The following BACH2 variants were observed in gnomAD, a reference collection of about 807,000 sequenced individuals.
BACH2 encodes transcription regulator protein BACH2.
Under a neutral mutation model 61.8 loss-of-function variants are expected in BACH2, and 5 were observed. The ratio of observed to expected loss-of-function variants is 0.08; its 90% CI spans 0.04 to 0.17. The LOEUF is 0.17. BACH2 is among the 10% of genes least tolerant of loss of function. BACH2 has a pLI of 1.00. For missense variants in BACH2, 824 were observed against 1,091.1 expected, an observed-to-expected ratio of 0.76 and a Z score of 3.45; for synonymous variants, 446 against 440.1, an observed-to-expected ratio of 1.01 and a Z score of -0.17.
chr6:89,936,070 T>C (rs527492402), intron 8 of BACH2, among the ~76,000 whole-genome samples: 1 of 152,244 alleles, frequency 6.6e-6, no homozygotes, highest in South Asian at 2.1e-4. Context: ...TTTAGGGCAA[T>C]AGACATTTTC....
At chr6:90,251,937 A>G (rs1313145736) in intron 3 of BACH2, among the ~76,000 whole-genome samples, 2 of 152,216 alleles carry the variant, frequency 1.3e-5, no homozygotes, top group African/African-American at 4.8e-5. Context: ...GGAAAGTTCA[A>G]TCCACAGATT....
chr6:90,110,605 T>C (rs1783126020), intron 4 of BACH2, among the ~76,000 whole-genome samples: 2 of 152,228 alleles, frequency 1.3e-5, no homozygotes, highest in Non-Finnish European at 2.9e-5. Context: ...AAATCCTAAT[T>C]TTTGTCTCAA....
chr6:90,180,484 G>C (rs1562490290), intron 4 of BACH2, among the ~76,000 whole-genome samples: 1 of 152,116 alleles, frequency 6.6e-6, no homozygotes, highest in Non-Finnish European at 1.5e-5. Flanking sequence ...CACCCAAGTA[G>C]TGTACACTGT....
intron 4 of BACH2, among the ~76,000 whole-genome samples, chr6:90,095,642 TA>T (rs1299474323): frequency 2.6e-5 from 4 of 152,060 alleles, no homozygotes; most frequent in African/African-American, 9.6e-5. Context: ...GCCAGAAAAA[TA>T]AAAAGTGTGA....
chr6:90,259,175 T>C (rs1345377080), intron 2 of BACH2, among the ~76,000 whole-genome samples: 2 of 152,198 alleles, frequency 1.3e-5, no homozygotes, highest in South Asian at 2.1e-4. Flanking sequence ...CTTTCAGTTT[T>C]CCCCCATGTA....
chr6:90,111,086 C>T (rs1185576945), intron 4 of BACH2, among the ~76,000 whole-genome samples: 1 of 152,214 alleles, frequency 6.6e-6, no homozygotes, highest in Non-Finnish European at 1.5e-5. Flanking sequence ...CCCACCATTA[C>T]ATTTCACTAG....
chr6:90,036,025 G>A (rs535959056), intron 5 of BACH2, among the ~76,000 whole-genome samples: 4 of 151,778 alleles, frequency 2.6e-5, no homozygotes, highest in African/African-American at 7.3e-5. Context: ...TGTAAGATTG[G>A]GGGTGGGTAG....
intron 5 of BACH2, among the ~76,000 whole-genome samples, chr6:90,072,034 G>A (rs1254977382): frequency 6.6e-6 from 1 of 152,118 alleles, no homozygotes; most frequent in African/African-American, 2.4e-5. Flanking sequence ...GGAGGCAGAA[G>A]AGGCAGGTAC....
intron 5 of BACH2, among the ~76,000 whole-genome samples, chr6:90,020,627 T>TA (rs1220800477): frequency 3.6e-5 from 5 of 138,344 alleles, no homozygotes; most frequent in Admixed American, 7.0e-5. Context: ...GGTATTCAGT[T>TA]AGAGTATCAG....
chr6:90,236,511 T>C (rs550882878), intron 3 of BACH2, among the ~76,000 whole-genome samples: 38 of 152,286 alleles, frequency 2.5e-4, no homozygotes, highest in Admixed American at 1.6e-3. Context: ...GGAAGAGAAG[T>C]CTTCGGAAGA....
intron 4 of BACH2, among the ~76,000 whole-genome samples, chr6:90,195,279 C>A (rs766154): frequency 0.013 from 2,033 of 152,202 alleles, 22 homozygotes; most frequent in Non-Finnish European, 0.021. Context: ...ACATGATTAG[C>A]GTTTCTGACA....
At chr6:90,271,150 C>T (rs556828030) in intron 2 of BACH2, among the ~76,000 whole-genome samples, 1 of 152,192 alleles carries the variant, frequency 6.6e-6, no homozygotes, top group Non-Finnish European at 1.5e-5. Flanking sequence ...CTCTTCTAGA[C>T]ATTGGCTTAG....
Position 89,950,576 on chromosome 6 carries a change from T to A in BACH2, c.1530A>T (p.Ser510=). The A allele has an allele frequency of 6.2e-7, 1 of 1,610,416 alleles. No homozygotes were observed. Among genetic ancestry groups the A allele is most frequent in the Non-Finnish European group, 8.5e-7 (1 of 1,177,772 alleles). Reference sequence around the variant, plus strand: ...TCCTGGTCCTGGTCTCCAAGGGGGGTGAGCGAGGGCAGACTTTGATTGGTA... The same window carrying A: ...TCCTGGTCCTGGTCTCCAAGGGGGGAGAGCGAGGGCAGACTTTGATTGGTA... The part of the protein sequence containing the change: ...CPVPIKVCPR[S]PPLETRTRTS... Residue 510 remains serine (S), a synonymous_variant, in exon 7 of 9, where the codon TCA becomes TCT. Coordinates refer to ENST00000257749, the MANE Select transcript of BACH2 (RefSeq NM_021813.4). The surrounding 1 kb of genome is among the most constrained non-coding windows in gnomAD (Gnocchi z 5.3).
intron 3 of BACH2, among the ~76,000 whole-genome samples, chr6:90,212,437 C>T (rs989523770): frequency 6.6e-6 from 1 of 152,170 alleles, no homozygotes; most frequent in African/African-American, 2.4e-5. Context: ...CTCAAAGTTA[C>T]AGCAGATGTG....
At chr6:90,208,840 T>G (rs992423758) in intron 3 of BACH2, among the ~76,000 whole-genome samples, 1 of 152,170 alleles carries the variant, frequency 6.6e-6, no homozygotes, top group Non-Finnish European at 1.5e-5. Context: ...AAATAAAATG[T>G]GGCACATATA....
At chr6:90,220,723 T>C (rs1044500427) in intron 3 of BACH2, among the ~76,000 whole-genome samples, 3 of 152,228 alleles carry the variant, frequency 2.0e-5, no homozygotes, top group Non-Finnish European at 4.4e-5. Context: ...TAAATGCTGT[T>C]TGAGGTCTCA....
intron 3 of BACH2, among the ~76,000 whole-genome samples, chr6:90,220,857 T>C (rs1029909537): frequency 1.3e-5 from 2 of 152,208 alleles, no homozygotes; most frequent in African/African-American, 4.8e-5. Context: ...GTTAACTACC[T>C]GGTTTTCTAA....
intron 5 of BACH2, among the ~76,000 whole-genome samples, chr6:90,081,450 G>A (rs920767702): frequency 6.6e-6 from 1 of 152,166 alleles, no homozygotes; most frequent in Non-Finnish European, 1.5e-5. Flanking sequence ...AATCGCAGAT[G>A]CTACCCAAAC....
rs367903653 is a variant in BACH2, at chr6:90,158,768, G to GC, written c.-162+47800_-162+47801insG. 1.9e-4 allele frequency among the ~76,000 whole-genome samples: 28 copies of GC among 150,888 alleles called. 1 individual carries two copies. The South Asian group carries it at 3.4e-3, about 19-fold the overall frequency. On this transcript the variant is annotated intron_variant, in intron 4 of 8. Transcript: ENST00000257749. ...CTCCCTCTGTGTCTTCTTTTGGTGG[G>GC]GGGGGGGCACTTACTCACATAGCAA...
Sources: allele counts gnomAD v4.1 joint callset (sites outside exome capture counted in the v4.1 genomes callset), GRCh38; gene constraint gnomAD v4.1.1; non-coding constraint Gnocchi (gnomAD v3.1); transcripts MANE v1.5; gene names NCBI Gene and HGNC (gene_info 2026-07-23, HGNC 2026-07-21).